ASB4: variants seen among roughly 807,000 people sequenced by gnomAD.
ASB4 encodes the protein ankyrin repeat and SOCS box protein 4.
In ASB4, 35 loss-of-function variants were observed where a neutral mutation model predicts 38.6. The observed-to-expected ratio is 0.91, with a 90% CI of 0.69 to 1.20. The LOEUF is 1.20. Among genes scored for constraint, ASB4 ranks in the 50% most tolerant of loss-of-function variants. ASB4 has a pLI of 0.00. For synonymous variants in ASB4, 195 were observed against 201.3 expected, an observed-to-expected ratio of 0.97 and a Z score of 0.26; for missense variants, 557 against 527.2, an observed-to-expected ratio of 1.06 and a Z score of -0.55.
intron 3 of ASB4, among the ~76,000 whole-genome samples, chr7:95,533,635 T>C (rs1790849079): frequency 6.6e-6 from 1 of 152,210 alleles, no homozygotes; most frequent in Non-Finnish European, 1.5e-5. Context: ...TCTGGTGTTT[T>C]TTTGACTTTG....
intron 3 of ASB4, among the ~76,000 whole-genome samples, chr7:95,533,585 T>C (rs931054300): frequency 6.6e-6 from 1 of 152,214 alleles, no homozygotes; most frequent in African/African-American, 2.4e-5. Flanking sequence ...TAATCTCACT[T>C]TGAATGCTTT....
At chr7:95,499,786 A>C (rs568143208) in intron 2 of ASB4, among the ~76,000 whole-genome samples, 2 of 151,906 alleles carry the variant, frequency 1.3e-5, no homozygotes, top group Non-Finnish European at 2.9e-5. Flanking sequence ...AAAACAGCTG[A>C]AGATGCACGA....
At chr7:95,507,346 C>G (rs762581954) in intron 2 of ASB4, among the ~76,000 whole-genome samples, 7 of 151,840 alleles carry the variant, frequency 4.6e-5, no homozygotes, top group Non-Finnish European at 5.9e-5. Context: ...GATGCAAATA[C>G]AGCATATCTG....
At chr7:95,507,217 AT>A (rs564489685) in intron 2 of ASB4, among the ~76,000 whole-genome samples, 1,854 of 150,942 alleles carry the variant, frequency 0.012, 40 homozygotes, top group African/African-American at 0.043. Flanking sequence ...TCTCTTATGA[AT>A]TTTTTTTTCC....
At chr7:95,479,884 A>C (rs1265298791) in intron 1 of ASB4, among the ~76,000 whole-genome samples, 1 of 152,176 alleles carries the variant, frequency 6.6e-6, no homozygotes, top group Non-Finnish European at 1.5e-5. Context: ...TCTGAATAGG[A>C]TGGCTTCCTG....
At chr7:95,474,729 T>C (rs1789959740), upstream of ASB4, among the ~76,000 whole-genome samples, 1 of 152,150 alleles carries the variant, frequency 6.6e-6, no homozygotes, top group Admixed American at 6.5e-5. Flanking sequence ...GTCACCATGT[T>C]GTCTAGGCTG....
intron 1 of ASB4, among the ~76,000 whole-genome samples, chr7:95,480,288 A>G (rs1019066031): frequency 2.6e-5 from 4 of 152,158 alleles, no homozygotes; most frequent in Admixed American, 6.6e-5. Flanking sequence ...CTCCACTGGT[A>G]TAAAAGCTCC....
chr7:95,495,696 A>G, intron 1 of ASB4, 62 bp from the exon 2 acceptor site: 1 of 1,488,266 alleles, frequency 6.7e-7, no homozygotes, highest in Non-Finnish European at 9.0e-7. Context: ...TCCTCACAAA[A>G]CAGGGAGAAA....
intron 2 of ASB4, among the ~76,000 whole-genome samples, chr7:95,510,124 C>A (rs1217100643): frequency 6.7e-6 from 1 of 150,288 alleles, no homozygotes; most frequent in African/African-American, 2.5e-5. Context: ...AAAGGCTTTT[C>A]TTAAAAAAAA....
chr7:95,536,602 T>C, intron 4 of ASB4, 52 bp downstream of exon 4: 1 of 1,346,416 alleles, frequency 7.4e-7, no homozygotes, highest in Non-Finnish European at 1.1e-6. Flanking sequence ...ACTTCCAGAC[T>C]GCTCTAGAAG....
rs958518219 is a variant in ASB4, at chr7:95,538,389, C to G, written c.*630C>G. 2 of 152,250 alleles carry G rather than the reference C, an allele frequency of 1.3e-5. No individual in the cohort carries two copies. The highest frequency in any genetic ancestry group is 4.8e-5 in the African/African-American group (2 of 41,454). The allele number at this position is 152,250 out of a possible 1,614,324, so 9.4% of individuals were successfully genotyped here. ...GAATGGACATTTGAACCAGACATCA[C>G]TGAGCCAGAGACTGGAGATGCAAAG... On this transcript the variant is annotated 3_prime_UTR_variant, in exon 5 of 5. Coordinates refer to ENST00000325885, the MANE Select transcript of ASB4 (RefSeq NM_016116.3).
In ASB4 at chr7:95,495,632, T is replaced by G; in HGVS notation, c.188-126T>G. 3 of 901,924 alleles carry G rather than the reference T, an allele frequency of 3.3e-6. No individual in the cohort carries two copies. The East Asian group carries it at 7.9e-5, about 24-fold the overall frequency. 55.9% of individuals were successfully genotyped at this position (901,924 alleles called of 1,614,324 possible). A position where few individuals can be genotyped will look rare whatever the true frequency, so the allele number is the denominator to read the frequency against. The stretch of plus-strand genomic sequence containing the variant: ...AGCTATTAGTTTAAAACCTCTGTCA[T>G]CCCCTCTCCACCCCACTTTTATAAA... On this transcript the variant is annotated intron_variant, in intron 1 of 4. Coordinates refer to ENST00000325885, the MANE Select transcript of ASB4 (RefSeq NM_016116.3).
At chr7:95,472,479 G>A in the ASB4 span, among the ~76,000 whole-genome samples, 7 of 152,104 alleles carry the variant, frequency 4.6e-5, no homozygotes, top group Admixed American at 1.3e-4. Context: ...CCAATCTGCC[G>A]GGGGAAACAA....
intron 2 of ASB4, among the ~76,000 whole-genome samples, chr7:95,515,247 CTTT>C (rs1562817118): frequency 1.5e-4 from 18 of 119,764 alleles, no homozygotes; most frequent in Non-Finnish European, 2.7e-4. Flanking sequence ...TTCTTTCTTT[CTTT>C]CCTTCTTTCT....
rs191682386 is a variant in ASB4, at chr7:95,511,350, C to A, written c.487+15293C>A. On this transcript the variant is annotated intron_variant, in intron 2 of 4. Coordinates refer to ENST00000325885, the MANE Select transcript of ASB4 (RefSeq NM_016116.3). ...CAGCCCCCTTTTCTTTGTTTTCTTG[C>A]GGCCTCAGAATTCTGGCAGCCCTCA... 1.3e-3 allele frequency among the ~76,000 whole-genome samples: 199 copies of A among 152,120 alleles called. 1 individual carries two copies. The highest frequency in any genetic ancestry group is 4.7e-3 in the Admixed American group (72 of 15,278).
At chr7:95,547,798 C>G in the ASB4 span, among the ~76,000 whole-genome samples, 1 of 152,102 alleles carries the variant, frequency 6.6e-6, no homozygotes, top group Non-Finnish European at 1.5e-5. Context: ...GACTGAGGTC[C>G]CCTGAGAAAG....
intron 3 of ASB4, among the ~76,000 whole-genome samples, chr7:95,535,156 A>T (rs1346713415): frequency 1.3e-5 from 2 of 152,210 alleles, no homozygotes; most frequent in Non-Finnish European, 2.9e-5. Flanking sequence ...ATCCCAAGAC[A>T]TTAGGTCTTT....
chr7:95,484,069 T>A (rs1455439622), upstream of ASB4, among the ~76,000 whole-genome samples: 2 of 149,898 alleles, frequency 1.3e-5, no homozygotes, highest in African/African-American at 4.9e-5. Flanking sequence ...GGCTCATGGC[T>A]GTAATCCCAG....
rs78797132 is a variant in ASB4, at chr7:95,518,170, A to G, written c.488-9643A>G. Among the ~76,000 whole-genome samples the G allele has an allele frequency of 3.4e-3, 518 of 152,354 alleles. 3 individuals carry two copies. The highest frequency in any genetic ancestry group is 0.012 in the African/African-American group (503 of 41,584). ...TGGTAGAAATAACTAGTTTTCACCA[A>G]TATCTTGTTCTCTTCCACTCCAGGC... On this transcript the variant is annotated intron_variant, in intron 2 of 4. Transcript: ENST00000325885.
Sources: allele counts gnomAD v4.1 joint callset (sites outside exome capture counted in the v4.1 genomes callset), GRCh38; gene constraint gnomAD v4.1.1; transcripts MANE v1.5; gene names NCBI Gene and HGNC (gene_info 2026-07-23, HGNC 2026-07-21).